Variants in ACYP2 observed in about 807,000 individuals in gnomAD.
ACYP2 encodes acylphosphatase-2.
A neutral mutation model predicts 11.2 loss-of-function variants in ACYP2; 12 were observed. That is an observed-to-expected ratio of 1.08 (90% CI 0.69 to 1.74). The LOEUF is 1.74. Among genes scored for constraint, ACYP2 ranks in the 40% most tolerant of loss-of-function variants. The pLI, the probability that ACYP2 is intolerant of heterozygous loss-of-function variation, is 0.00. For missense variants in ACYP2, 134 were observed against 101.9 expected (o/e 1.31, Z -1.35); for synonymous variants, 43 against 32.2 (o/e 1.33, Z -1.13).
chr2:54,275,979 A>G (rs956704396), intron 6 of ACYP2, among the ~76,000 whole-genome samples: 3 of 152,182 alleles, frequency 2.0e-5, no homozygotes, highest in African/African-American at 7.2e-5. Flanking sequence ...TATATGTCAT[A>G]TATCTTTTTC....
intron 6 of ACYP2, among the ~76,000 whole-genome samples, chr2:54,145,998 C>G (rs1337636778): frequency 6.6e-6 from 1 of 152,154 alleles, no homozygotes; most frequent in Non-Finnish European, 1.5e-5. Flanking sequence ...TTTAATCATT[C>G]TTGATTTATT....
intron 2 of ACYP2, among the ~76,000 whole-genome samples, chr2:53,985,070 CTTTTTT>C (rs1178409999): frequency 7.4e-6 from 1 of 134,998 alleles, no homozygotes; most frequent in African/African-American, 2.7e-5. Flanking sequence ...TTTTTTCTTT[CTTTTTT>C]TTTTTTTTTT....
intron 2 of ACYP2, among the ~76,000 whole-genome samples, chr2:54,015,457 G>C (rs185998047): frequency 6.6e-6 from 1 of 151,758 alleles, no homozygotes; most frequent in Non-Finnish European, 1.5e-5. Context: ...GCGGTGAGTC[G>C]AGATTGTGCC....
chr2:53,971,513 A>G (rs1435349779), intron 1 of ACYP2, among the ~76,000 whole-genome samples: 1 of 152,150 alleles, frequency 6.6e-6, no homozygotes, highest in Non-Finnish European at 1.5e-5. Context: ...CAAAGAAGAA[A>G]ATAGTTACTC....
chr2:54,004,058 A>T (rs949991606), intron 2 of ACYP2, among the ~76,000 whole-genome samples: 4 of 151,728 alleles, frequency 2.6e-5, no homozygotes, highest in Non-Finnish European at 5.9e-5. Context: ...ATCTCAGCTT[A>T]CTGTAACCTC....
intron 4 of ACYP2, among the ~76,000 whole-genome samples, chr2:54,073,023 C>CTGACAAAAGGCTAGACTTATGA (rs1677148223): frequency 6.6e-6 from 1 of 152,136 alleles, no homozygotes; most frequent in South Asian, 2.1e-4. Context: ...GAGTGTGGTA[C>CTGACAAAAGGCTAGACTTATGA]TGACAAAAGG....
At chr2:54,229,743 T>A (rs1471505791) in intron 6 of ACYP2, among the ~76,000 whole-genome samples, 1 of 152,246 alleles carries the variant, frequency 6.6e-6, no homozygotes, top group Non-Finnish European at 1.5e-5. Context: ...TTCTTAGAAC[T>A]AGTTGTAAAT....
intron 6 of ACYP2, among the ~76,000 whole-genome samples, chr2:54,274,853 C>T (rs1688477112): frequency 6.6e-6 from 1 of 152,160 alleles, no homozygotes; most frequent in South Asian, 2.1e-4. Context: ...GTTTCTCCAA[C>T]ATGGATACAA....
chr2:54,167,456 AG>A (rs557739660), intron 6 of ACYP2, among the ~76,000 whole-genome samples: 52 of 152,336 alleles, frequency 3.4e-4, no homozygotes, highest in African/African-American at 1.3e-3. Context: ...GAAAAGACAG[AG>A]AATAGCGTAA....
chr2:53,993,940 C>T (rs1292438209), intron 2 of ACYP2, among the ~76,000 whole-genome samples: 2 of 152,080 alleles, frequency 1.3e-5, no homozygotes, highest in East Asian at 1.9e-4. Flanking sequence ...AATCCCAGCG[C>T]TTTGGGAGGC....
chr2:54,212,900 CACTTT>C (rs945655112), intron 6 of ACYP2, among the ~76,000 whole-genome samples: 22 of 151,330 alleles, frequency 1.5e-4, no homozygotes, highest in Non-Finnish European at 3.1e-4. Context: ...TAGAAGCTGC[CACTTT>C]ACTTTTTTTT....
At chr2:54,125,312 T>TA (rs1213975792) in intron 4 of ACYP2, among the ~76,000 whole-genome samples, 1 of 152,144 alleles carries the variant, frequency 6.6e-6, no homozygotes, top group Non-Finnish European at 1.5e-5. Context: ...TCCTGAAAGA[T>TA]ACAATTCCAA....
chr2:54,110,415 C>G (rs1020110280), intron 4 of ACYP2, among the ~76,000 whole-genome samples: 28 of 152,154 alleles, frequency 1.8e-4, no homozygotes, highest in African/African-American at 6.5e-4. Context: ...AGTAGTCAGC[C>G]TACATTCAAA....
chr2:54,227,367 C>A, intron 6 of ACYP2, among the ~76,000 whole-genome samples: 1 of 152,132 alleles, frequency 6.6e-6, no homozygotes, highest in East Asian at 1.9e-4. Flanking sequence ...CTGGGCTGAA[C>A]AAAGTGGCTC....
At chr2:54,273,569 A>G (rs1573030864) in intron 6 of ACYP2, among the ~76,000 whole-genome samples, 1 of 152,082 alleles carries the variant, frequency 6.6e-6, no homozygotes, top group Non-Finnish European at 1.5e-5. Flanking sequence ...GATTCAAGCA[A>G]TTCTCCTGCC....
At chr2:53,997,985 G>T (rs1672651691) in intron 2 of ACYP2, among the ~76,000 whole-genome samples, 1 of 152,104 alleles carries the variant, frequency 6.6e-6, no homozygotes, top group Admixed American at 6.6e-5. Context: ...GGTGGTGTTT[G>T]CTGATCAAAA....
chr2:54,259,383 A>AT (rs1224599714), intron 6 of ACYP2, among the ~76,000 whole-genome samples: 5 of 152,328 alleles, frequency 3.3e-5, no homozygotes, highest in African/African-American at 1.2e-4. Flanking sequence ...GAACACTAAG[A>AT]TAGTGAGTCC....
At chr2:54,284,086 T>G (rs1354925949) in intron 6 of ACYP2, among the ~76,000 whole-genome samples, 1 of 152,192 alleles carries the variant, frequency 6.6e-6, no homozygotes, top group Non-Finnish European at 1.5e-5. Flanking sequence ...ACTCCAGCCT[T>G]AGTGACAACT....
chr2:54,099,392 G>A (rs72800738), intron 4 of ACYP2, among the ~76,000 whole-genome samples: 6,907 of 152,220 alleles, frequency 0.045, 221 homozygotes, highest in Admixed American at 0.07. Flanking sequence ...CATTTCTTCT[G>A]TCTAGCTAAA....
Sources: gnomAD v4.1 joint callset for allele counts (sites outside exome capture counted in the v4.1 genomes callset) on GRCh38, gnomAD v4.1.1 for gene constraint, MANE v1.5 for transcripts, NCBI Gene and HGNC (gene_info 2026-07-23, HGNC 2026-07-21) for gene names.